GDPD5: variants seen among roughly 807,000 people sequenced by gnomAD.
The protein encoded by GDPD5 is glycerophosphodiester phosphodiesterase domain containing 5.
GDPD5 carries 48 observed loss-of-function variants against 75.1 expected under a neutral mutation model. The observed-to-expected ratio is 0.64, with a 90% CI of 0.51 to 0.81. The LOEUF is 0.81. Among genes scored for constraint, GDPD5 ranks in the 40% least tolerant of loss-of-function variants. The probability of loss-of-function intolerance (pLI) is 0.00; values close to 1 mark genes in which losing one functional copy is unlikely to be tolerated. For missense variants in GDPD5, 706 were observed against 822.6 expected, an observed-to-expected ratio of 0.86 and a Z score of 1.73; for synonymous variants, 336 against 339.0, an observed-to-expected ratio of 0.99 and a Z score of 0.10.
In GDPD5 at chr11:75,455,389, G is replaced by C. The variant is rs191747474; in HGVS notation, c.375+1368C>G. ...GAGTGAGGGCAGGAGGAAGGTGGGG[G>C]GACCAGGGGCTGCTCACGGCTCCTA... On this transcript the variant is annotated intron_variant, in intron 6 of 16. Coordinates refer to ENST00000336898, the MANE Select transcript of GDPD5 (RefSeq NM_030792.8). The C allele has an allele frequency of 1.1e-5, 5 of 456,536 alleles. No homozygotes were observed. The East Asian group carries it at 3.5e-4, about 32-fold the overall frequency. 28.3% of individuals were successfully genotyped at this position (456,536 alleles called of 1,614,324 possible). A position where few individuals can be genotyped will look rare whatever the true frequency, so the allele number is the denominator to read the frequency against.
At position 75,449,596 on chromosome 11, in the gene GDPD5, G is replaced by A; in HGVS notation, c.489C>T (p.Phe163=). Residue 163 remains phenylalanine, a synonymous_variant, in exon 8 of 17, where the codon TTC becomes TTT. Coordinates refer to ENST00000336898, the MANE Select transcript of GDPD5 (RefSeq NM_030792.8). ...LLISLQGTAP[F]LHVGAVAAVT... ...CTGCTGCCACAGCCCCCACATGCAG[G>A]AATGGCGCTGTGCCCTGTTTGCAGG... is the stretch of plus-strand genomic sequence containing the variant. The A allele has an allele frequency of 1.9e-6, 3 of 1,581,038 alleles. No homozygotes were observed. The highest frequency in any genetic ancestry group is 2.6e-6 in the Non-Finnish European group (3 of 1,163,476).
chr11:75,458,656 T>A (rs965128435), intron 4 of GDPD5, among the ~76,000 whole-genome samples: 8 of 138,020 alleles, frequency 5.8e-5, no homozygotes, highest in Non-Finnish European at 1.1e-4. Context: ...TGGGCGACAG[T>A]GTGAGACTCT....
chr11:75,503,465 G>C, intron 1 of GDPD5, among the ~76,000 whole-genome samples: 1 of 152,214 alleles, frequency 6.6e-6, no homozygotes, highest in East Asian at 1.9e-4. Context: ...CTTGTTCAAG[G>C]TCATAGAGGT....
intron 3 of GDPD5, 73 bp from the exon 4 acceptor site, chr11:75,462,962 G>A: frequency 3.3e-6 from 4 of 1,208,396 alleles, no homozygotes; most frequent in South Asian, 1.3e-5. Context: ...ACCAGAATGT[G>A]TCCTCCTCCC....
chr11:75,458,870 C>T (rs1949351712), intron 4 of GDPD5, among the ~76,000 whole-genome samples: 1 of 152,074 alleles, frequency 6.6e-6, no homozygotes, highest in African/African-American at 2.4e-5. Flanking sequence ...GAAGCTTTGA[C>T]CTCCTGGGCT....
intron 1 of GDPD5, chr11:75,506,628 G>A (rs1297402452): frequency 6.6e-6 from 1 of 152,544 alleles, no homozygotes; most frequent in East Asian, 1.9e-4. Context: ...GCAGCCCTGT[G>A]ATCTGACCGA....
At chr11:75,495,151 C>T (rs1320607120) in intron 1 of GDPD5, among the ~76,000 whole-genome samples, 1 of 151,902 alleles carries the variant, frequency 6.6e-6, no homozygotes, top group Non-Finnish European at 1.5e-5. Flanking sequence ...CCTGTAGTCT[C>T]AGCTACTTGG....
intron 6 of GDPD5, chr11:75,455,224 C>A: frequency 2.2e-6 from 1 of 447,900 alleles, no homozygotes; most frequent in South Asian, 1.6e-5. Flanking sequence ...CCAGGCATGG[C>A]CCCAGAAGGT....
chr11:75,510,535 T>G (rs909407683), intron 1 of GDPD5, among the ~76,000 whole-genome samples: 2 of 152,234 alleles, frequency 1.3e-5, no homozygotes, highest in East Asian at 1.9e-4. Flanking sequence ...CTCCCTCTGC[T>G]CCCACATCCA....
intron 4 of GDPD5, among the ~76,000 whole-genome samples, chr11:75,461,622 T>A (rs1057358291): frequency 6.6e-6 from 1 of 152,188 alleles, no homozygotes; most frequent in African/African-American, 2.4e-5. Context: ...GAAGCAGCCC[T>A]CATGTTTAGG....
At chr11:75,459,637 C>T (rs1012161924) in intron 4 of GDPD5, among the ~76,000 whole-genome samples, 17 of 151,852 alleles carry the variant, frequency 1.1e-4, no homozygotes, top group African/African-American at 3.6e-4. Context: ...GGTGAAACCC[C>T]GTCTCTACTA....
At chr11:75,501,454 A>G (rs957764220) in intron 1 of GDPD5, among the ~76,000 whole-genome samples, 5 of 152,244 alleles carry the variant, frequency 3.3e-5, no homozygotes, top group Admixed American at 6.5e-5. Context: ...CCAGAAGTAC[A>G]TGGAGCCATA....
chr11:75,507,426 G>A (rs912369491), intron 1 of GDPD5, among the ~76,000 whole-genome samples: 18 of 152,248 alleles, frequency 1.2e-4, no homozygotes, highest in African/African-American at 4.3e-4. Flanking sequence ...GGGAGAAAGG[G>A]CCTATGATCA....
Position 75,522,860 on chromosome 11 carries a change from C to T in GDPD5, c.-145+2350G>A, listed in dbSNP as rs199665822. ...CGAGGGAATGGACACCAGCTCCAGG[C>T]ACCACAGCCCTGCCAGCAGGAAGCC... On this transcript the variant is annotated intron_variant, in intron 1 of 16. Transcript: ENST00000336898. Among the ~76,000 whole-genome samples the T allele has an allele frequency of 1.6e-4, 24 of 152,188 alleles. No individual in the cohort carries two copies. The East Asian group carries it at 4.7e-3, about 30-fold the overall frequency.
At chr11:75,498,674 A>G (rs1251169751) in intron 1 of GDPD5, among the ~76,000 whole-genome samples, 1 of 152,192 alleles carries the variant, frequency 6.6e-6, no homozygotes, top group Non-Finnish European at 1.5e-5. Context: ...TTTTGCCTCT[A>G]GAAGCTGACA....
intron 14 of GDPD5, 129 bp from the exon 15 acceptor site, chr11:75,440,090 G>A: frequency 3.0e-6 from 2 of 659,526 alleles, no homozygotes; most frequent in Non-Finnish European, 2.6e-6. Context: ...CCCTGAGAGG[G>A]TCTGGGGGCT....
chr11:75,496,422 C>A (rs1251967989), intron 1 of GDPD5, among the ~76,000 whole-genome samples: 1 of 152,248 alleles, frequency 6.6e-6, no homozygotes, highest in Non-Finnish European at 1.5e-5. Flanking sequence ...GGAGACCTGG[C>A]TTTTCTTCCT....
intron 9 of GDPD5, chr11:75,448,552 C>A: frequency 2.0e-6 from 2 of 990,776 alleles, no homozygotes; most frequent in South Asian, 4.6e-5. Flanking sequence ...TGACTTTGAT[C>A]CCTTCGTCTT....
chr11:75,487,116 C>T (rs369224288), intron 2 of GDPD5, among the ~76,000 whole-genome samples: 1 of 152,340 alleles, frequency 6.6e-6, no homozygotes, highest in Non-Finnish European at 1.5e-5. Flanking sequence ...CACCTATCCC[C>T]GGCCCTGCCC....
Sources: gnomAD v4.1 joint callset for allele counts (sites outside exome capture counted in the v4.1 genomes callset) on GRCh38, gnomAD v4.1.1 for gene constraint, MANE v1.5 for transcripts, NCBI Gene and HGNC (gene_info 2026-07-23, HGNC 2026-07-21) for gene names.